The following ZFHX3 variants were observed in gnomAD, a reference collection of about 807,000 sequenced individuals.
ZFHX3 encodes zinc finger homeobox protein 3.
Under a neutral mutation model 279.1 loss-of-function variants are expected in ZFHX3, and 42 were observed. That is an observed-to-expected ratio of 0.15 (90% CI 0.12 to 0.19). The LOEUF is 0.19. Among genes scored for constraint, ZFHX3 ranks in the 10% least tolerant of loss-of-function variants. The pLI is 1.00. For synonymous variants in ZFHX3, 2,293 were observed against 1,957.8 expected (o/e 1.17, Z -4.52); for missense variants, 4,981 against 4,754.0 (o/e 1.05, Z -1.40).
chr16:73,215,683 C>A (rs771910290), intron 5 of ZFHX3, among the ~76,000 whole-genome samples: 6 of 152,150 alleles, frequency 3.9e-5, no homozygotes, highest in Admixed American at 1.3e-4. Flanking sequence ...GTCCTCCCCC[C>A]GATGCTGAAT....
intron 4 of ZFHX3, among the ~76,000 whole-genome samples, chr16:72,837,280 T>C (rs768914742): frequency 3.3e-5 from 5 of 152,154 alleles, no homozygotes; most frequent in Non-Finnish European, 5.9e-5. Flanking sequence ...TACAGGTAAT[T>C]TTCCCACCCT....
chr16:73,432,159 A>C (rs1209814698), intron 3 of ZFHX3, among the ~76,000 whole-genome samples: 1 of 152,178 alleles, frequency 6.6e-6, no homozygotes, highest in Non-Finnish European at 1.5e-5. Flanking sequence ...AACTTTTTAC[A>C]GTCTCAGAGC....
At chr16:73,466,053 T>A (rs2018565187) in intron 2 of ZFHX3, among the ~76,000 whole-genome samples, 1 of 151,920 alleles carries the variant, frequency 6.6e-6, no homozygotes, top group Non-Finnish European at 1.5e-5. Flanking sequence ...GTCTGAAGAT[T>A]CCAGTATGAA....
chr16:72,969,173 C>A (rs77609630), intron 1 of ZFHX3, among the ~76,000 whole-genome samples: 2 of 152,076 alleles, frequency 1.3e-5, no homozygotes, highest in Admixed American at 6.5e-5. Context: ...CCCTGACATG[C>A]GTATCTTTAA....
Position 73,601,299 on chromosome 16 carries a change from CAAAAA to C in ZFHX3, c.-1547+78876_-1547+78880del, listed in dbSNP as rs1217744713. ...AACCCCGTCTCTACTACTAAAAATA[CAAAAA>C]AAAAAAAAAAAAAAAATTAGCTGGG... is the stretch of plus-strand genomic sequence containing the variant. On this transcript the variant is annotated intron_variant, in intron 2 of 17. Transcript: ENST00000641206. Among the ~76,000 whole-genome samples, 251 of 60,474 alleles carry C rather than the reference CAAAAA, an allele frequency of 4.2e-3. 2 individuals are homozygous for C. The highest frequency in any genetic ancestry group is 0.013 in the African/African-American group (244 of 18,812). The allele number at this position is 60,474 out of a possible 152,430, so 39.7% of individuals were successfully genotyped here.
At chr16:73,683,937 C>T (rs1180934046) in intron 1 of ZFHX3, among the ~76,000 whole-genome samples, 2 of 152,214 alleles carry the variant, frequency 1.3e-5, no homozygotes, top group Non-Finnish European at 2.9e-5. Context: ...ACAGTCTGTG[C>T]CAAACTACTC....
intron 3 of ZFHX3, among the ~76,000 whole-genome samples, chr16:72,926,506 C>T (rs1959454478): frequency 6.6e-6 from 1 of 152,224 alleles, no homozygotes; most frequent in Non-Finnish European, 1.5e-5. Flanking sequence ...CCAGTCCTTT[C>T]TCAAATGAGC....
At chr16:73,804,648 C>A (rs1022570916) in intron 1 of ZFHX3, among the ~76,000 whole-genome samples, 1 of 152,048 alleles carries the variant, frequency 6.6e-6, no homozygotes, top group African/African-American at 2.4e-5. Flanking sequence ...AGCATCATGG[C>A]AAATATGAGT....
intron 5 of ZFHX3, among the ~76,000 whole-genome samples, chr16:73,197,929 T>TTG: frequency 8.6e-6 from 1 of 116,798 alleles, no homozygotes; most frequent in Non-Finnish European, 1.7e-5. Flanking sequence ...TGGTGGTTTT[T>TTG]TTTTTTTTTT....
chr16:73,834,863 C>G (rs1261420972), intron 1 of ZFHX3, among the ~76,000 whole-genome samples: 2 of 152,066 alleles, frequency 1.3e-5, no homozygotes, highest in Non-Finnish European at 2.9e-5. Flanking sequence ...GCATTCCAGC[C>G]TGGCGACAGT....
At chr16:73,162,601 G>A (rs1358515083) in intron 5 of ZFHX3, among the ~76,000 whole-genome samples, 9 of 152,056 alleles carry the variant, frequency 5.9e-5, no homozygotes, top group Non-Finnish European at 1.3e-4. Context: ...AAAGCACACA[G>A]TAAATGTAAT....
chr16:73,091,054 A>G (rs1333757643), intron 8 of ZFHX3, among the ~76,000 whole-genome samples: 2 of 151,984 alleles, frequency 1.3e-5, no homozygotes, highest in African/African-American at 2.4e-5. Context: ...TACTAAAAAT[A>G]CAAAAAATTA....
chr16:73,703,960 C>T (rs1465181744), intron 1 of ZFHX3, among the ~76,000 whole-genome samples: 6 of 152,142 alleles, frequency 3.9e-5, no homozygotes, highest in South Asian at 4.1e-4. Flanking sequence ...ACTCTCATCA[C>T]GCCCACCTAT....
intron 3 of ZFHX3, among the ~76,000 whole-genome samples, chr16:72,948,126 T>C (rs1342066638): frequency 6.6e-6 from 1 of 151,950 alleles, no homozygotes; most frequent in Non-Finnish European, 1.5e-5. Context: ...GCGGGAGAGC[T>C]CCCCGCCCCC....
intron 7 of ZFHX3, among the ~76,000 whole-genome samples, chr16:73,128,085 G>T (rs552271187): frequency 2.0e-5 from 3 of 152,296 alleles, no homozygotes; most frequent in African/African-American, 4.8e-5. Context: ...AATGAATTTT[G>T]TGTGAATAAG....
intron 5 of ZFHX3, among the ~76,000 whole-genome samples, chr16:73,240,227 C>CT (rs57832372): frequency 0.014 from 2,001 of 146,008 alleles, 38 homozygotes; most frequent in Non-Finnish European, 0.018. Flanking sequence ...ATTTTCTTTT[C>CT]TTTTTTTTTT....
intron 1 of ZFHX3, among the ~76,000 whole-genome samples, chr16:72,986,635 A>C (rs1962857191): frequency 6.6e-6 from 1 of 152,170 alleles, no homozygotes; most frequent in Non-Finnish European, 1.5e-5. Flanking sequence ...TTATTGAATT[A>C]TCGGCACCGT....
In ZFHX3 at chr16:73,331,314, A is replaced by G. The variant is rs560683190; in HGVS notation, c.-1290-12978T>C. Among the ~76,000 whole-genome samples the G allele has an allele frequency of 5.3e-5, 8 of 152,300 alleles. No individual in the cohort carries two copies. In the South Asian group the frequency reaches 1.2e-3, roughly 24 times the overall value. ...ACATGTGGGAATTATGGGAACTACA[A>G]TTCAAGATGAGATTTGGGTAGGGGC... On this transcript the variant is annotated intron_variant, in intron 3 of 17. Coordinates refer to the ZFHX3 transcript ENST00000641206.
Position 73,859,724 on chromosome 16 carries a change from GGAGA to G in ZFHX3, c.-1608+31923_-1608+31926del, listed in dbSNP as rs150887638. Among the ~76,000 whole-genome samples, 1,193 of 152,268 alleles carry G rather than the reference GGAGA, an allele frequency of 7.8e-3. 27 individuals are homozygous for G. The highest frequency in any genetic ancestry group is 0.027 in the African/African-American group (1,139 of 41,556). On this transcript the variant is annotated intron_variant, in intron 1 of 17. Transcript: ENST00000641206. Reference sequence around the variant, plus strand: ...AAGGAGAAACGTTCTCTTTTAGCAAGGAGAAAGGTGAAAAGTTGACCAAAATCAA... The same window carrying G: ...AAGGAGAAACGTTCTCTTTTAGCAAGAAGGTGAAAAGTTGACCAAAATCAA...
Sources: gnomAD v4.1 joint callset for allele counts (sites outside exome capture counted in the v4.1 genomes callset) on GRCh38, gnomAD v4.1.1 for gene constraint, MANE v1.5 for transcripts, NCBI Gene and HGNC (gene_info 2026-07-23, HGNC 2026-07-21) for gene names.